The following CDH18 variants were observed in gnomAD, a reference collection of about 807,000 sequenced individuals.
The protein encoded by CDH18 is cadherin 18.
CDH18 carries 31 observed loss-of-function variants against 67.9 expected under a neutral mutation model. The observed-to-expected ratio is 0.46, with a 90% CI of 0.34 to 0.62. CDH18 has a LOEUF of 0.62. Among genes scored for constraint, CDH18 ranks in the 20% least tolerant of loss-of-function variants. The pLI is 0.01. For missense variants in CDH18, 890 were observed against 975.5 expected, an observed-to-expected ratio of 0.91 and a Z score of 1.17; for synonymous variants, 362 against 347.2, an observed-to-expected ratio of 1.04 and a Z score of -0.48.
At chr5:20,165,147 A>G (rs1390053350) in intron 2 of CDH18, among the ~76,000 whole-genome samples, 2 of 152,154 alleles carry the variant, frequency 1.3e-5, no homozygotes, top group Non-Finnish European at 2.9e-5. Context: ...TGGGAAGCAC[A>G]TTAGAAATAC....
At chr5:19,856,115 A>T (rs2149952829) in intron 2 of CDH18, among the ~76,000 whole-genome samples, 1 of 152,350 alleles carries the variant, frequency 6.6e-6, no homozygotes, top group African/African-American at 2.4e-5. Context: ...AATAAAAAGT[A>T]ACTTGAGTCA....
rs867609784 is a variant in CDH18, at chr5:20,550,792, A to C, written c.-580+24670T>G. On this transcript the variant is annotated intron_variant, in intron 1 of 14. Coordinates refer to the CDH18 transcript ENST00000507958. ...GGTAATTTATTTAAAAAAGAGGTTT[A>C]TTTTGGCTCGTGGTTCTGAAGGACA... Among the ~76,000 whole-genome samples, 10 of 152,278 alleles carry C rather than the reference A, an allele frequency of 6.6e-5. 1 individual carries two copies. Among genetic ancestry groups the C allele is most frequent in the South Asian group, 2.1e-4 (1 of 4,828 alleles).
rs796706476 is a variant in CDH18 at position 20,419,699 on chromosome 5, G to C, written c.-580+155763C>G. On this transcript the variant is annotated intron_variant, in intron 1 of 14. Coordinates refer to the CDH18 transcript ENST00000507958. Reference sequence around the variant, plus strand: ...TCACCCTGTTAGCCAGGATGGTCTCGATCTCCTGACCTCATGATCCTCCCG... The same window carrying C: ...TCACCCTGTTAGCCAGGATGGTCTCCATCTCCTGACCTCATGATCCTCCCG... Among the ~76,000 whole-genome samples the C allele has an allele frequency of 1.1e-4, 16 of 150,378 alleles. 1 individual carries two copies. The highest frequency in any genetic ancestry group is 4.0e-4 in the African/African-American group (16 of 40,014).
intron 1 of CDH18, among the ~76,000 whole-genome samples, chr5:20,451,952 C>G (rs537355918): frequency 1.2e-4 from 19 of 152,234 alleles, no homozygotes; most frequent in African/African-American, 4.6e-4. Context: ...TACTCGTCTT[C>G]CCATATATTT....
chr5:19,699,385 T>C lies in CDH18; in HGVS notation c.643+21962A>G, dbSNP rs563825925. Among the ~76,000 whole-genome samples, 5 of 152,262 alleles carry C rather than the reference T, an allele frequency of 3.3e-5. No individual in the cohort carries two copies. The East Asian group carries it at 9.7e-4, about 29-fold the overall frequency. On this transcript the variant is annotated intron_variant, in intron 5 of 12. Coordinates refer to ENST00000382275, the MANE Select transcript of CDH18 (RefSeq NM_004934.5). ...ACAGAATCCAACTTCAGTGTTCAAC[T>C]ATACAACACAGCTCATATTCTAAGA...
chr5:20,569,579 C>A lies in CDH18; in HGVS notation c.-580+5883G>T, dbSNP rs553194358. Among the ~76,000 whole-genome samples, 27 of 152,230 alleles carry A rather than the reference C, an allele frequency of 1.8e-4. No homozygotes were observed. The South Asian group carries it at 5.2e-3, about 29-fold the overall frequency. On this transcript the variant is annotated intron_variant, in intron 1 of 14. Transcript: ENST00000507958. ...TGAGCCAAGGTCACACCACTGCACTCCAGCCTGGGCAACAGAGCAAGACTC... is the reference window on the plus strand; with the variant it reads ...TGAGCCAAGGTCACACCACTGCACTACAGCCTGGGCAACAGAGCAAGACTC...
At chr5:19,644,902 A>G (rs902643710) in intron 5 of CDH18, among the ~76,000 whole-genome samples, 9 of 152,204 alleles carry the variant, frequency 5.9e-5, no homozygotes, top group African/African-American at 1.7e-4. Flanking sequence ...CGCCAACCAT[A>G]CTGGCTAAAG....
chr5:20,012,649 C>T (rs1033032243), intron 2 of CDH18, among the ~76,000 whole-genome samples: 1 of 151,948 alleles, frequency 6.6e-6, no homozygotes, highest in African/African-American at 2.4e-5. Flanking sequence ...AAAAACATTC[C>T]ATGATCATGC....
chr5:19,603,126 A>G (rs1379209020), intron 6 of CDH18, among the ~76,000 whole-genome samples: 1 of 152,194 alleles, frequency 6.6e-6, no homozygotes, highest in African/African-American at 2.4e-5. Flanking sequence ...ACATGCAGCA[A>G]CAGAGGAACT....
At chr5:19,876,809 C>T (rs745930400) in intron 2 of CDH18, among the ~76,000 whole-genome samples, 1 of 152,060 alleles carries the variant, frequency 6.6e-6, no homozygotes, top group Non-Finnish European at 1.5e-5. Flanking sequence ...ACCAATGCTC[C>T]GGTTTTCCTG....
intron 2 of CDH18, among the ~76,000 whole-genome samples, chr5:20,037,915 G>A (rs1352439194): frequency 6.6e-6 from 1 of 152,002 alleles, no homozygotes; most frequent in African/African-American, 2.4e-5. Flanking sequence ...GAATCCAGGA[G>A]CTAGTATTTT....
chr5:20,522,879 T>A (rs1004652504), intron 1 of CDH18, among the ~76,000 whole-genome samples: 2 of 152,164 alleles, frequency 1.3e-5, no homozygotes, highest in East Asian at 3.9e-4. Context: ...ATCCAATAAC[T>A]CACAGCCATA....
At chr5:20,518,869 T>C (rs528339893) in intron 1 of CDH18, among the ~76,000 whole-genome samples, 2 of 152,258 alleles carry the variant, frequency 1.3e-5, no homozygotes, top group African/African-American at 4.8e-5. Context: ...TTTGGAAGGA[T>C]AAAGATTAAA....
chr5:19,744,801 G>A lies in CDH18; in HGVS notation c.523+2141C>T, dbSNP rs182899817. 1.7e-3 allele frequency among the ~76,000 whole-genome samples: 265 copies of A among 151,886 alleles called. 4 individuals carry two copies. Among genetic ancestry groups the A allele is most frequent in the Non-Finnish European group, 4.9e-4 (33 of 67,932 alleles). On this transcript the variant is annotated intron_variant, in intron 4 of 12. Coordinates refer to ENST00000382275, the MANE Select transcript of CDH18 (RefSeq NM_004934.5). The stretch of plus-strand genomic sequence containing the variant: ...CTCTATTTCATGTAATAAATGTGAG[G>A]GTAACATATTCATTTTTATTCACAC...
chr5:20,125,933 T>C (rs1049756438), intron 2 of CDH18, among the ~76,000 whole-genome samples: 1 of 152,154 alleles, frequency 6.6e-6, no homozygotes, highest in African/African-American at 2.4e-5. Context: ...AATATCCTAA[T>C]GGAATTTTTT....
intron 5 of CDH18, among the ~76,000 whole-genome samples, chr5:19,718,369 A>G (rs1765599395): frequency 6.6e-6 from 1 of 152,014 alleles, no homozygotes; most frequent in Admixed American, 6.6e-5. Flanking sequence ...AATATACACC[A>G]TTATAAGTGA....
intron 1 of CDH18, among the ~76,000 whole-genome samples, chr5:20,493,160 C>T (rs2126396486): frequency 1.3e-5 from 2 of 151,760 alleles, no homozygotes. Flanking sequence ...ACCAGCCTGG[C>T]CAACATGGTG....
At chr5:20,536,128 G>T (rs1427794131) in intron 1 of CDH18, among the ~76,000 whole-genome samples, 1 of 152,120 alleles carries the variant, frequency 6.6e-6, no homozygotes, top group East Asian at 1.9e-4. Context: ...AGCACAACCT[G>T]AAACCATTCA....
intron 2 of CDH18, among the ~76,000 whole-genome samples, chr5:19,993,384 C>G (rs937930900): frequency 5.9e-5 from 9 of 152,070 alleles, no homozygotes; most frequent in African/African-American, 2.2e-4. Context: ...GGTGCTATTA[C>G]TATCTCTGCA....
Sources: allele counts gnomAD v4.1 joint callset (sites outside exome capture counted in the v4.1 genomes callset), GRCh38; gene constraint gnomAD v4.1.1; transcripts MANE v1.5; gene names NCBI Gene and HGNC (gene_info 2026-07-23, HGNC 2026-07-21).